Variants in GLP1R observed in about 807,000 individuals in gnomAD.
GLP1R encodes the protein glucagon like peptide 1 receptor.
Under a neutral mutation model 68.4 loss-of-function variants are expected in GLP1R, and 32 were observed. The ratio of observed to expected loss-of-function variants is 0.47; its 90% CI spans 0.35 to 0.63. The LOEUF (loss-of-function observed/expected upper bound fraction) is 0.63. GLP1R is among the 20% of genes least tolerant of loss of function. The pLI is 0.00. For synonymous variants in GLP1R, 263 were observed against 244.4 expected, an observed-to-expected ratio of 1.08 and a Z score of -0.71; for missense variants, 502 against 594.9, an observed-to-expected ratio of 0.84 and a Z score of 1.62.
chr6:39,056,461 G>A lies in GLP1R; in HGVS notation c.143G>A (p.Arg48His), dbSNP rs150253529. The change falls in exon 2 of 13, where the codon CGC (arginine) becomes CAC (histidine). Residue 48 changes from arginine to histidine, a missense_variant. Physicochemically the swap from Arg to His is conservative, Grantham distance 29. Transcript: ENST00000373256. ...CGAGAATACCGACGCCAGTGCCAGC[G>A]CTCCCTGACTGAGGATCCACCTCCT... ...KWREYRRQCQRSLTEDPPPAT... is the reference protein window; with the variant it reads ...KWREYRRQCQHSLTEDPPPAT... 25 of 1,607,456 alleles carry A rather than the reference G, an allele frequency of 1.6e-5. No individual in the cohort carries two copies. The highest frequency in any genetic ancestry group is 1.0e-4 in the Admixed American group (6 of 60,014).
chr6:39,057,347 A>T (rs938837860), intron 2 of GLP1R, 125 bp from the exon 3 acceptor site: 3 of 663,696 alleles, frequency 4.5e-6, no homozygotes, highest in African/African-American at 3.5e-5. Flanking sequence ...CTTGGCATAC[A>T]GTAAGCATTC....
chr6:39,050,358 C>T (rs543779591), intron 1 of GLP1R, among the ~76,000 whole-genome samples: 1 of 152,122 alleles, frequency 6.6e-6, no homozygotes, highest in Non-Finnish European at 1.5e-5. Context: ...TCCTCCAGGC[C>T]AGGTTTACAG....
chr6:39,052,111 G>A (rs1373619539), intron 1 of GLP1R, among the ~76,000 whole-genome samples: 1 of 152,042 alleles, frequency 6.6e-6, no homozygotes, highest in East Asian at 1.9e-4. Context: ...GAATGTGCTT[G>A]GGGGCGTGTG....
chr6:39,063,486 C>T (rs1274776241), intron 3 of GLP1R, among the ~76,000 whole-genome samples: 2 of 152,204 alleles, frequency 1.3e-5, no homozygotes, highest in Admixed American at 6.5e-5. Context: ...CTGTCAGTTT[C>T]ACCATTAGAT....
chr6:39,063,961 A>ACACACACC (rs1217789430), intron 3 of GLP1R, among the ~76,000 whole-genome samples: 6 of 104,936 alleles, frequency 5.7e-5, no homozygotes, highest in Middle Eastern at 4.9e-3. Context: ...ACACACACAC[A>ACACACACC]CCCCACATTA....
intron 5 of GLP1R, among the ~76,000 whole-genome samples, chr6:39,069,933 C>T (rs1768614657): frequency 2.0e-5 from 3 of 152,156 alleles, no homozygotes; most frequent in Admixed American, 2.0e-4. Flanking sequence ...AAGATCAAGG[C>T]ACCAGTGGGT....
At position 39,088,556 on chromosome 6, in the gene GLP1R, T is replaced by C. The variant is rs921514419; in HGVS notation, c.*2483T>C. ...GTTTGAGCTTTGTAGCCACAAGGTC[T>C]GATGTCTGTTGTGAACAGCAGCTGA... is the stretch of plus-strand genomic sequence containing the variant. On this transcript the variant is annotated 3_prime_UTR_variant, in exon 13 of 13. Transcript: ENST00000373256. Among the ~76,000 whole-genome samples, 2 of 152,236 alleles carry C rather than the reference T, an allele frequency of 1.3e-5. No homozygotes were observed. The highest frequency in any genetic ancestry group is 4.8e-5 in the African/African-American group (2 of 41,456).
At chr6:39,074,430 G>C (rs1474766) in intron 7 of GLP1R, 40,235 of 151,884 alleles carry the variant, frequency 0.26, 6,017 homozygotes, top group Non-Finnish European at 0.35. Context: ...GGGCAGCATT[G>C]GGGTTGGGAA....
At chr6:39,061,694 G>A (rs1053527651) in intron 3 of GLP1R, among the ~76,000 whole-genome samples, 18 of 152,196 alleles carry the variant, frequency 1.2e-4, no homozygotes, top group East Asian at 3.9e-4. Flanking sequence ...ACTATGTACC[G>A]GGCACTTCAC....
chr6:39,089,893 C>T lies in GLP1R; in HGVS notation c.*3820C>T, dbSNP rs981642857. 4.6e-5 allele frequency among the ~76,000 whole-genome samples: 7 copies of T among 152,176 alleles called. No individual in the cohort carries two copies. The highest frequency in any genetic ancestry group is 7.2e-5 in the African/African-American group (3 of 41,438). On this transcript the variant is annotated 3_prime_UTR_variant, in exon 13 of 13. Coordinates refer to ENST00000373256, the MANE Select transcript of GLP1R (RefSeq NM_002062.5). The surrounding 1 kb of genome is among the most constrained non-coding windows in gnomAD (Gnocchi z 4.1). Reference sequence around the variant, plus strand: ...ATTGATTCTAATCTACAGTGCTTACCCTGCTTTTGGCTCCTACGAGGCAAA... The same window carrying T: ...ATTGATTCTAATCTACAGTGCTTACTCTGCTTTTGGCTCCTACGAGGCAAA...
At chr6:39,078,196 G>T in intron 7 of GLP1R, 126 bp from the exon 8 acceptor site, 2 of 730,654 alleles carry the variant, frequency 2.7e-6, no homozygotes, top group Non-Finnish European at 4.9e-6. Flanking sequence ...AGAAAACATA[G>T]TTGGAGGCCA....
At chr6:39,083,265 C>A (rs1769056334) in intron 12 of GLP1R, among the ~76,000 whole-genome samples, 1 of 152,138 alleles carries the variant, frequency 6.6e-6, no homozygotes, top group Admixed American at 6.5e-5. Context: ...TTAAACCCAC[C>A]CTGAGACTCC....
chr6:39,071,940 G>T (rs1768679566), intron 5 of GLP1R, among the ~76,000 whole-genome samples: 1 of 152,044 alleles, frequency 6.6e-6, no homozygotes, highest in African/African-American at 2.4e-5. Flanking sequence ...ATGATTTTAA[G>T]CAAGATTTAT....
intron 12 of GLP1R, among the ~76,000 whole-genome samples, chr6:39,081,235 G>A (rs1205775607): frequency 1.3e-5 from 2 of 152,268 alleles, no homozygotes; most frequent in East Asian, 1.9e-4. Context: ...ACCTGCCCTA[G>A]GTTTGGAAAT....
intron 3 of GLP1R, among the ~76,000 whole-genome samples, chr6:39,061,884 A>G (rs950892736): frequency 2.0e-5 from 3 of 152,178 alleles, no homozygotes; most frequent in African/African-American, 7.2e-5. Context: ...GATGCTCTAC[A>G]GTACCCTTCA....
intron 12 of GLP1R, among the ~76,000 whole-genome samples, chr6:39,081,897 G>T (rs1453639171): frequency 6.6e-6 from 1 of 152,208 alleles, no homozygotes; most frequent in African/African-American, 2.4e-5. Context: ...TCTGAAAAAG[G>T]TGCGAAAGGG....
Position 39,072,886 on chromosome 6 carries a change from C to T in GLP1R, c.534C>T (p.Tyr178=), listed in dbSNP as rs200288831. ...GACACCTGCACTGCACCAGGAACTA[C>T]ATCCACCTGAACCTGTTTGCATCCT... ...GFRHLHCTRN[Y]IHLNLFASFI... The change falls in exon 6 of 13, where the codon TAC becomes TAT. Residue 178 remains tyrosine (Y), a synonymous_variant. Transcript: ENST00000373256. 6.2e-7 allele frequency: 1 copy of T among 1,614,138 alleles called. No individual in the cohort carries two copies. The highest frequency in any genetic ancestry group is 8.5e-7 in the Non-Finnish European group (1 of 1,179,960).
rs909085340 is a variant in GLP1R, at chr6:39,054,733, C to A, written c.79-1664C>A. Among the ~76,000 whole-genome samples, 5 of 152,332 alleles carry A rather than the reference C, an allele frequency of 3.3e-5. No homozygotes were observed. The South Asian group carries it at 8.3e-4, about 25-fold the overall frequency. The stretch of plus-strand genomic sequence containing the variant: ...GTGTGGTCTGCTTTCATTCTAGAAA[C>A]AGAAACCAAGGGGGATTTCTCCGTC... On this transcript the variant is annotated intron_variant, in intron 1 of 12. Coordinates refer to ENST00000373256, the MANE Select transcript of GLP1R (RefSeq NM_002062.5).
In GLP1R at chr6:39,078,850, G is replaced by T. The variant is rs1768908907; in HGVS notation, c.885-107G>T. 4.3e-6 allele frequency: 4 copies of T among 931,186 alleles called. No homozygotes were observed. In the East Asian group the frequency reaches 7.2e-5, roughly 17 times the overall value. The allele number at this position is 931,186 out of a possible 1,614,324, so 57.7% of individuals were successfully genotyped here. ...TGGGTGGCTCCTGGGAGCTGTGTGT[G>T]TGGCACTCAACATGGCCATGTGCAT... On this transcript the variant is annotated intron_variant, in intron 8 of 12. Transcript: ENST00000373256.
Sources: gnomAD v4.1 joint callset for allele counts (sites outside exome capture counted in the v4.1 genomes callset) on GRCh38, gnomAD v4.1.1 for gene constraint, Gnocchi (gnomAD v3.1) non-coding constraint, MANE v1.5 for transcripts, NCBI Gene and HGNC (gene_info 2026-07-23, HGNC 2026-07-21) for gene names.